The following ANGPT1 variants were observed in gnomAD, a reference collection of about 807,000 sequenced individuals.
ANGPT1 encodes angiopoietin 1.
Under a neutral mutation model 62.2 loss-of-function variants are expected in ANGPT1, and 17 were observed. The ratio of observed to expected loss-of-function variants is 0.27; its 90% confidence interval spans 0.19 to 0.41. The LOEUF is 0.41. ANGPT1 is among the 10% of genes least tolerant of loss of function. The pLI, the probability that ANGPT1 is intolerant of heterozygous loss-of-function variation, is 1.00. For synonymous variants in ANGPT1, 199 were observed against 198.9 expected, an observed-to-expected ratio of 1.00 and a Z score of 0.00; for missense variants, 478 against 594.9, an observed-to-expected ratio of 0.80 and a Z score of 2.04.
chr8:107,463,608 T>C (rs1812126039), intron 1 of ANGPT1, among the ~76,000 whole-genome samples: 1 of 152,102 alleles, frequency 6.6e-6, no homozygotes, highest in South Asian at 2.1e-4. Context: ...TGTGCCATTA[T>C]CTTTTATTTT....
At chr8:107,485,532 G>A (rs1361939228) in intron 1 of ANGPT1, among the ~76,000 whole-genome samples, 3 of 152,138 alleles carry the variant, frequency 2.0e-5, no homozygotes, top group Non-Finnish European at 1.5e-5. Context: ...AAAACGAGAG[G>A]AAGAACTATC....
Position 107,483,771 on chromosome 8 carries a change from C to T in ANGPT1, c.297+13491G>A, listed in dbSNP as rs540524006. Among the ~76,000 whole-genome samples, 49 of 152,132 alleles carry T rather than the reference C, an allele frequency of 3.2e-4. 1 individual carries two copies. The South Asian group carries it at 9.7e-3, about 30-fold the overall frequency. ...CAACCTAATACTGTAATGAAGTGTT[C>T]CTGAACAAAAATACAGATAAGCTGT... On this transcript the variant is annotated intron_variant, in intron 1 of 8. Transcript: ENST00000517746.
At chr8:107,416,873 C>T (rs865886150) in intron 1 of ANGPT1, among the ~76,000 whole-genome samples, 18 of 151,640 alleles carry the variant, frequency 1.2e-4, no homozygotes, top group Admixed American at 5.3e-4. Context: ...CTCACTGCCA[C>T]CTCTGCCTCC....
intron 1 of ANGPT1, among the ~76,000 whole-genome samples, chr8:107,360,131 A>G (rs2130199707): frequency 6.6e-6 from 1 of 152,300 alleles, no homozygotes; most frequent in Admixed American, 6.5e-5. Flanking sequence ...TAAGAAGTCA[A>G]GAAAACAAAC....
At chr8:107,409,119 T>C (rs1336370347) in intron 1 of ANGPT1, among the ~76,000 whole-genome samples, 1 of 152,212 alleles carries the variant, frequency 6.6e-6, no homozygotes, top group South Asian at 2.1e-4. Context: ...AGGCAACTGA[T>C]AGATGAAAAA....
At chr8:107,396,524 T>C (rs1443069964) in intron 1 of ANGPT1, among the ~76,000 whole-genome samples, 1 of 139,466 alleles carries the variant, frequency 7.2e-6, no homozygotes, top group Non-Finnish European at 1.6e-5. Flanking sequence ...TCTCTTTTTT[T>C]TTTTTTTTTT....
chr8:107,438,700 T>C (rs1215874571), intron 1 of ANGPT1, among the ~76,000 whole-genome samples: 2 of 152,292 alleles, frequency 1.3e-5, no homozygotes, highest in East Asian at 3.9e-4. Context: ...TATGTTCTTT[T>C]GAAGTTTGTT....
chr8:107,358,424 G>T (rs533548928), intron 1 of ANGPT1, among the ~76,000 whole-genome samples: 1 of 151,606 alleles, frequency 6.6e-6, no homozygotes, highest in South Asian at 2.1e-4. Context: ...AGTGGGCATT[G>T]TTTCATCTTT....
intron 4 of ANGPT1, among the ~76,000 whole-genome samples, chr8:107,310,299 T>G (rs186451257): frequency 6.6e-6 from 1 of 152,172 alleles, no homozygotes; most frequent in African/African-American, 2.4e-5. Flanking sequence ...ACATGGGAAG[T>G]TGAAGCTCAG....
chr8:107,431,170 C>G (rs1811176015), intron 1 of ANGPT1, among the ~76,000 whole-genome samples: 3 of 152,094 alleles, frequency 2.0e-5, no homozygotes, highest in African/African-American at 7.2e-5. Flanking sequence ...GAGAGAGAGA[C>G]AGTGTGTGTG....
intron 1 of ANGPT1, among the ~76,000 whole-genome samples, chr8:107,476,984 T>C (rs914356100): frequency 1.3e-5 from 2 of 152,264 alleles, no homozygotes; most frequent in Non-Finnish European, 2.9e-5. Flanking sequence ...GTCAGGGCTG[T>C]GTGGGCCACT....
intron 1 of ANGPT1, among the ~76,000 whole-genome samples, chr8:107,384,524 A>C (rs2130284321): frequency 6.6e-6 from 1 of 152,242 alleles, no homozygotes; most frequent in South Asian, 2.1e-4. Context: ...TTGATCAGTA[A>C]GTGCATAGAA....
chr8:107,399,045 C>T (rs2130324786), intron 1 of ANGPT1, among the ~76,000 whole-genome samples: 1 of 152,284 alleles, frequency 6.6e-6, no homozygotes, highest in Non-Finnish European at 1.5e-5. Context: ...AACCTCCATT[C>T]GTATTCCAGA....
At chr8:107,345,009 C>T (rs963048254) in intron 2 of ANGPT1, among the ~76,000 whole-genome samples, 4 of 151,928 alleles carry the variant, frequency 2.6e-5, no homozygotes, top group Admixed American at 6.6e-5. Flanking sequence ...ATAACAGGTT[C>T]GAAGCATCAC....
chr8:107,372,068 G>A (rs949484810), intron 1 of ANGPT1, among the ~76,000 whole-genome samples: 1 of 152,080 alleles, frequency 6.6e-6, no homozygotes, highest in African/African-American at 2.4e-5. Context: ...TATTAGGAGT[G>A]TTGTTCAGTT....
rs188889707 is a variant in ANGPT1, at chr8:107,413,138, T to A, written c.298-66041A>T. 1.3e-3 allele frequency among the ~76,000 whole-genome samples: 203 copies of A among 152,330 alleles called. 1 individual carries two copies. Among genetic ancestry groups the A allele is most frequent in the South Asian group, 2.7e-3 (13 of 4,828 alleles). On this transcript the variant is annotated intron_variant, in intron 1 of 8. Transcript: ENST00000517746. The stretch of plus-strand genomic sequence containing the variant: ...TTACTCAGCCCTGGGTGAAACAGTG[T>A]CAGGCATATGACTATTCAATTTACT...
At chr8:107,408,805 A>G (rs1329006771) in intron 1 of ANGPT1, among the ~76,000 whole-genome samples, 1 of 152,208 alleles carries the variant, frequency 6.6e-6, no homozygotes, top group Non-Finnish European at 1.5e-5. Flanking sequence ...CTAATCACAT[A>G]TCAAAATAAA....
chr8:107,257,979 CTTTCT>C (rs1198790878), intron 8 of ANGPT1, among the ~76,000 whole-genome samples: 1 of 145,056 alleles, frequency 6.9e-6, no homozygotes, highest in Non-Finnish European at 1.5e-5. Flanking sequence ...TTTCTTCTTT[CTTTCT>C]TTTCCTTTCT....
At chr8:107,260,270 T>C (rs1813461686) in intron 8 of ANGPT1, among the ~76,000 whole-genome samples, 2 of 152,204 alleles carry the variant, frequency 1.3e-5, no homozygotes, top group South Asian at 4.1e-4. Flanking sequence ...TGAAGAAAAC[T>C]AGGATAGTTA....
Sources: allele counts gnomAD v4.1 joint callset (sites outside exome capture counted in the v4.1 genomes callset), GRCh38; gene constraint gnomAD v4.1.1; transcripts MANE v1.5; gene names NCBI Gene and HGNC (gene_info 2026-07-23, HGNC 2026-07-21).